The following CC2D2A variants were observed in gnomAD, a reference collection of about 807,000 sequenced individuals.
CC2D2A encodes the protein coiled-coil and C2 domain containing 2A, also known as coiled-coil and C2 domain-containing protein 2A.
In CC2D2A, 155 loss-of-function variants were observed where a neutral mutation model predicts 212.9. That is an observed-to-expected ratio of 0.73 (90% confidence interval 0.64 to 0.83). CC2D2A has a LOEUF of 0.83. Among genes scored for constraint, CC2D2A ranks in the 40% least tolerant of loss-of-function variants. The probability of loss-of-function intolerance (pLI) is 0.00; values close to 1 mark genes in which losing one functional copy is unlikely to be tolerated. For missense variants in CC2D2A, 1,856 were observed against 1,956.2 expected (o/e 0.95, Z 0.97); for synonymous variants, 667 against 686.5 (o/e 0.97, Z 0.44).
intron 10 of CC2D2A, 21 bp downstream of exon 10, chr4:15,516,025 C>A: frequency 6.4e-7 from 1 of 1,574,484 alleles, no homozygotes. Flanking sequence ...ACCCTCTGCT[C>A]TCAGGTGTAG....
chr4:15,544,858 T>A (rs988133322), intron 17 of CC2D2A, among the ~76,000 whole-genome samples: 2 of 152,192 alleles, frequency 1.3e-5, no homozygotes, highest in African/African-American at 4.8e-5. Context: ...TACTATGAAA[T>A]AAATTTTTAA....
chr4:15,503,032 T>A, intron 6 of CC2D2A, 109 bp downstream of exon 6: 1 of 721,946 alleles, frequency 1.4e-6, no homozygotes, highest in South Asian at 2.0e-5. Flanking sequence ...ATTAAATGCT[T>A]ATTAATAATT....
chr4:15,541,109 C>T (rs988446397), intron 17 of CC2D2A, 95 bp downstream of exon 17: 22 of 956,232 alleles, frequency 2.3e-5, no homozygotes, highest in Admixed American at 1.6e-4. Context: ...GCCAGGAGTT[C>T]GAGACCAGCC....
chr4:15,494,412 G>C (rs1311247581), intron 4 of CC2D2A, among the ~76,000 whole-genome samples: 1 of 152,230 alleles, frequency 6.6e-6, no homozygotes, highest in African/African-American at 2.4e-5. Flanking sequence ...TAGAAAAAAA[G>C]ATAGTGACCA....
At chr4:15,481,878 T>C in intron 4 of CC2D2A, 3 of 985,412 alleles carry the variant, frequency 3.0e-6, no homozygotes, top group South Asian at 4.7e-5. Context: ...AATCAGATGT[T>C]TGGAAGAAAT....
chr4:15,570,141 A>G lies in CC2D2A; in HGVS notation c.3496-257A>G, dbSNP rs34924677. ...GAATTGTACTAGGTGCTTTACGCAC[A>G]TTGTCTGATTTAATTCTAAATAATC... On this transcript the variant is annotated intron_variant, in intron 27 of 36. Transcript: ENST00000424120. Among the ~76,000 whole-genome samples the G allele has an allele frequency of 0.14, 20,942 of 152,250 alleles. 1,529 individuals carry two copies. Among genetic ancestry groups the G allele is most frequent in the Non-Finnish European group, 0.15 (10,312 of 68,010 alleles).
In CC2D2A at chr4:15,591,168, T is replaced by C. The variant is rs73125702; in HGVS notation, c.4314+1489T>C. ...TACTTTAAACATGAAATCTATTTTT[T>C]TTCTTCCCATCCTCCTGGGGTATGG... On this transcript the variant is annotated intron_variant, in intron 33 of 36. Coordinates refer to ENST00000424120, the MANE Select transcript of CC2D2A (RefSeq NM_001378615.1). Among the ~76,000 whole-genome samples the C allele has an allele frequency of 4.2e-3, 640 of 152,284 alleles. 4 individuals carry two copies. The highest frequency in any genetic ancestry group is 0.017 in the Middle Eastern group (5 of 294).
At position 15,486,536 on chromosome 4, in the gene CC2D2A, T is replaced by C. The variant is rs1016515142; in HGVS notation, c.247+5709T>C. On this transcript the variant is annotated intron_variant, in intron 4 of 36. Transcript: ENST00000424120. The stretch of plus-strand genomic sequence containing the variant: ...CCATTTTTGTCTCTGATTTTATTTC[T>C]GTGGGTCTTCTCTTTTTCTTAATCT... 1.1e-4 allele frequency among the ~76,000 whole-genome samples: 16 copies of C among 152,184 alleles called. No individual in the cohort carries two copies. The East Asian group carries it at 2.3e-3, about 22-fold the overall frequency.
intron 11 of CC2D2A, among the ~76,000 whole-genome samples, chr4:15,517,985 C>G (rs1448410578): frequency 1.3e-5 from 2 of 152,156 alleles, no homozygotes; most frequent in Non-Finnish European, 2.9e-5. Flanking sequence ...GACCCACCCC[C>G]ATAATTCAAT....
Position 15,597,433 on chromosome 4 carries a change from A to T in CC2D2A, c.4464A>T (p.Ser1488=). The T allele has an allele frequency of 1.9e-6, 3 of 1,553,364 alleles. No homozygotes were observed. The highest frequency in any genetic ancestry group is 1.7e-4 in the Middle Eastern group (1 of 5,996). ...CTGAAGAGCTAATTTACCAGCGCTC[A>T]GACAAAGCAGCTGCAGCTGAGCTAC... ...VQPEELIYQR[S]DKAAAAELQD... is the part of the protein sequence containing the mutation. Residue 1488 remains serine (S), a synonymous_variant, in exon 35 of 37, where the codon TCA becomes TCT. Coordinates refer to ENST00000424120, the MANE Select transcript of CC2D2A (RefSeq NM_001378615.1).
intron 12 of CC2D2A, among the ~76,000 whole-genome samples, chr4:15,528,033 A>G (rs949181351): frequency 6.6e-6 from 1 of 152,208 alleles, no homozygotes; most frequent in African/African-American, 2.4e-5. Context: ...TTATTACCCC[A>G]TCGTGTAGCA....
intron 33 of CC2D2A, among the ~76,000 whole-genome samples, chr4:15,591,283 G>T (rs930084850): frequency 6.9e-6 from 1 of 145,950 alleles, no homozygotes; most frequent in South Asian, 2.2e-4. Flanking sequence ...GCAACGGAGC[G>T]ATCTCGGCTC....
At chr4:15,475,285 T>G (rs1474478710) in intron 1 of CC2D2A, among the ~76,000 whole-genome samples, 3 of 151,890 alleles carry the variant, frequency 2.0e-5, no homozygotes, top group East Asian at 3.9e-4. Context: ...AAAGAAAAAG[T>G]GTAGGGGGCA....
At chr4:15,498,692 C>G (rs1415093296) in intron 4 of CC2D2A, among the ~76,000 whole-genome samples, 1 of 152,208 alleles carries the variant, frequency 6.6e-6, no homozygotes, top group East Asian at 1.9e-4. Flanking sequence ...AATGAAAGTA[C>G]TTAACCCCAT....
intron 29 of CC2D2A, among the ~76,000 whole-genome samples, chr4:15,578,030 T>C (rs934679312): frequency 2.0e-5 from 3 of 152,224 alleles, no homozygotes; most frequent in Admixed American, 1.3e-4. Flanking sequence ...ATTCTTGTTT[T>C]ATAATTCTCC....
At chr4:15,477,517 G>A (rs1291354891) in intron 2 of CC2D2A, among the ~76,000 whole-genome samples, 1 of 152,154 alleles carries the variant, frequency 6.6e-6, no homozygotes, top group Admixed American at 6.5e-5. Context: ...TCACGGAAAA[G>A]CAAAACATTA....
At chr4:15,505,732 T>A (rs1310005832) in intron 6 of CC2D2A, among the ~76,000 whole-genome samples, 2 of 152,208 alleles carry the variant, frequency 1.3e-5, no homozygotes, top group Non-Finnish European at 2.9e-5. Context: ...TACATTGGAC[T>A]TCATCAAAAT....
chr4:15,587,992 A>G, intron 32 of CC2D2A, 63 bp downstream of exon 32: 2 of 886,582 alleles, frequency 2.3e-6, no homozygotes, highest in Non-Finnish European at 3.6e-6. Flanking sequence ...TGTGTGTTCC[A>G]GATCACACAC....
At chr4:15,497,780 G>C (rs1715700030) in intron 4 of CC2D2A, among the ~76,000 whole-genome samples, 1 of 152,100 alleles carries the variant, frequency 6.6e-6, no homozygotes, top group Non-Finnish European at 1.5e-5. Flanking sequence ...TCATGTGCTA[G>C]TTAGCCAATT....
Sources: gnomAD v4.1 joint callset for allele counts (sites outside exome capture counted in the v4.1 genomes callset) on GRCh38, gnomAD v4.1.1 for gene constraint, MANE v1.5 for transcripts, NCBI Gene and HGNC (gene_info 2026-07-23, HGNC 2026-07-21) for gene names.